Variants in HTRA1 observed in about 807,000 individuals in gnomAD.
HTRA1 encodes serine protease HTRA1.
HTRA1 carries 26 observed loss-of-function variants against 49.7 expected under a neutral mutation model. The ratio of observed to expected loss-of-function variants is 0.52; its 90% CI spans 0.38 to 0.73. The LOEUF is 0.73. Ranked by LOEUF, HTRA1 falls within the 30% of genes least tolerant of loss-of-function variation. HTRA1 has a pLI of 0.00. For missense variants in HTRA1, 561 were observed against 667.2 expected (o/e 0.84, Z 1.75); for synonymous variants, 291 against 286.9 (o/e 1.01, Z -0.14).
chr10:122,461,820 C>T lies in HTRA1; in HGVS notation c.168C>T (p.Gly56=). The T allele has an allele frequency of 9.2e-7, 1 of 1,085,292 alleles. No homozygotes were observed. The highest frequency in any genetic ancestry group is 1.1e-6 in the Non-Finnish European group (1 of 897,218). The allele number at this position is 1,085,292 out of a possible 1,614,324, so 67.2% of individuals were successfully genotyped here. ...CPPQPEHCEG[G]RARDACGCCE... is the part of the protein sequence containing the mutation. ...CGCAGCCGGAGCACTGCGAGGGCGG[C>T]CGGGCCCGGGACGCGTGCGGCTGCT... The change falls in exon 1 of 9, where the codon GGC becomes GGT. Residue 56 remains glycine (G), a synonymous_variant. Transcript: ENST00000368984.
intron 6 of HTRA1, among the ~76,000 whole-genome samples, chr10:122,509,684 A>T (rs1017301609): frequency 2.6e-5 from 4 of 151,992 alleles, no homozygotes; most frequent in Admixed American, 2.0e-4. Context: ...GGCTGCGGGG[A>T]GTCTGCTGGA....
Position 122,514,608 on chromosome 10 carries a change from C to T in HTRA1, c.*249C>T. ...TATGCAGTGTGCTTTTTCTTGCCAG[C>T]TTGGGCCATTCTTGCTTAGACAGTC... On this transcript the variant is annotated 3_prime_UTR_variant, in exon 9 of 9. Transcript: ENST00000368984. The T allele has an allele frequency of 2.0e-6, 1 of 504,922 alleles. No homozygotes were observed. Among genetic ancestry groups the T allele is most frequent in the South Asian group, 2.0e-5 (1 of 49,210 alleles). 31.3% of individuals were successfully genotyped at this position (504,922 alleles called of 1,614,324 possible).
At chr10:122,469,684 A>G (rs2097485300) in intron 1 of HTRA1, among the ~76,000 whole-genome samples, 1 of 152,134 alleles carries the variant, frequency 6.6e-6, no homozygotes, top group Non-Finnish European at 1.5e-5. Flanking sequence ...GCAGGGCATT[A>G]TCCTTGCTTC....
chr10:122,471,772 C>T (rs1012962685), intron 1 of HTRA1, among the ~76,000 whole-genome samples: 17 of 152,142 alleles, frequency 1.1e-4, no homozygotes, highest in Admixed American at 7.9e-4. Flanking sequence ...TTGAGCCCTC[C>T]GCATCTCAGC....
rs1255171755 is a variant in HTRA1, at chr10:122,494,604, G to A, written c.777+4978G>A. On this transcript the variant is annotated intron_variant, in intron 3 of 8. Transcript: ENST00000368984. This position sits in a 1 kb window ranked among gnomAD's most constrained non-coding sequence, Gnocchi z 4.0. ...AAATATTTGGAAACGGCCTTGTTGA[G>A]GCTTGTGAGGTGGTTTTCCTCCCTC... Among the ~76,000 whole-genome samples, 1 of 152,148 alleles carries A rather than the reference G, an allele frequency of 6.6e-6. No individual in the cohort carries two copies. The highest frequency in any genetic ancestry group is 1.5e-5 in the Non-Finnish European group (1 of 68,032).
In HTRA1 at chr10:122,506,983, G is replaced by C. The variant is rs2097503331; in HGVS notation, c.972+98G>C. 5 of 1,122,098 alleles carry C rather than the reference G, an allele frequency of 4.5e-6. No individual in the cohort carries two copies. Among genetic ancestry groups the C allele is most frequent in the South Asian group, 2.6e-5 (2 of 76,710 alleles). The allele number at this position is 1,122,098 out of a possible 1,614,324, so 69.5% of individuals were successfully genotyped here. The stretch of plus-strand genomic sequence containing the variant: ...TTAGCCCCTGACTTTGTTGTAGTCT[G>C]CGTGAAGGGATGGAACTAGACCAAG... On this transcript the variant is annotated intron_variant, in intron 4 of 8. Coordinates refer to ENST00000368984, the MANE Select transcript of HTRA1 (RefSeq NM_002775.5). This position sits in a 1 kb window ranked among gnomAD's most constrained non-coding sequence, Gnocchi z 5.2.
intron 1 of HTRA1, among the ~76,000 whole-genome samples, chr10:122,462,759 G>C (rs1250828563): frequency 1.3e-5 from 2 of 152,228 alleles, no homozygotes; most frequent in Non-Finnish European, 2.9e-5. Flanking sequence ...TTTTGAGCCA[G>C]CCCTACAAAA....
chr10:122,491,120 C>A (rs2097495592), intron 3 of HTRA1, among the ~76,000 whole-genome samples: 1 of 152,220 alleles, frequency 6.6e-6, no homozygotes. Flanking sequence ...ATTGGGCCAG[C>A]CTCTGCCTTC....
intron 1 of HTRA1, among the ~76,000 whole-genome samples, chr10:122,488,136 T>G (rs2097493895): frequency 6.6e-6 from 1 of 152,174 alleles, no homozygotes. Flanking sequence ...TAATCTCAGA[T>G]GTACCCGTCT....
chr10:122,474,479 C>T (rs938634557), intron 1 of HTRA1, among the ~76,000 whole-genome samples: 3 of 152,194 alleles, frequency 2.0e-5, no homozygotes, highest in Non-Finnish European at 4.4e-5. Context: ...CCTCCTCCTG[C>T]ACCAGGGGGG....
intron 3 of HTRA1, among the ~76,000 whole-genome samples, chr10:122,500,814 C>CCA (rs1161669639): frequency 4.6e-5 from 7 of 152,134 alleles, no homozygotes; most frequent in Non-Finnish European, 1.0e-4. Context: ...GGAACTCACA[C>CCA]CACACATAGT....
intron 3 of HTRA1, among the ~76,000 whole-genome samples, chr10:122,500,844 C>T (rs957103006): frequency 6.6e-6 from 1 of 152,108 alleles, no homozygotes; most frequent in Non-Finnish European, 1.5e-5. Context: ...ACCGAGGCTG[C>T]GTGCACAGAC....
At chr10:122,489,806 G>C (rs1340659619) in intron 3 of HTRA1, among the ~76,000 whole-genome samples, 180 bp downstream of exon 3, 1 of 151,994 alleles carries the variant, frequency 6.6e-6, no homozygotes, top group African/African-American at 2.4e-5. Flanking sequence ...AGAGGAAGGG[G>C]CTCAGGAAAA....
intron 3 of HTRA1, among the ~76,000 whole-genome samples, chr10:122,491,948 C>T (rs1336171610): frequency 6.6e-6 from 1 of 152,192 alleles, no homozygotes; most frequent in Non-Finnish European, 1.5e-5. Flanking sequence ...GGGAGAGTAA[C>T]AGCATCTCTT....
chr10:122,489,158 C>T (rs963163146), intron 2 of HTRA1, among the ~76,000 whole-genome samples, 157 bp downstream of exon 2: 2 of 152,150 alleles, frequency 1.3e-5, no homozygotes, highest in African/African-American at 4.8e-5. Flanking sequence ...TTTCCCTATT[C>T]GACTATATAA....
At chr10:122,471,115 G>A (rs977566426) in intron 1 of HTRA1, among the ~76,000 whole-genome samples, 3 of 152,162 alleles carry the variant, frequency 2.0e-5, no homozygotes, top group East Asian at 3.9e-4. Flanking sequence ...TTCTCAGGCC[G>A]ACTTTCTGTT....
chr10:122,470,266 C>T (rs1447120622), intron 1 of HTRA1, among the ~76,000 whole-genome samples: 1 of 152,158 alleles, frequency 6.6e-6, no homozygotes, highest in Non-Finnish European at 1.5e-5. Context: ...CCATTTGGGC[C>T]TTTGGGATGA....
intron 3 of HTRA1, among the ~76,000 whole-genome samples, chr10:122,503,697 T>C (rs1439757489): frequency 1.3e-5 from 2 of 152,208 alleles, no homozygotes; most frequent in Admixed American, 6.5e-5. Flanking sequence ...CAACTCCTAA[T>C]GGTGCCATGA....
chr10:122,482,492 C>T (rs2097491420), intron 1 of HTRA1, among the ~76,000 whole-genome samples: 2 of 152,022 alleles, frequency 1.3e-5, no homozygotes, highest in Non-Finnish European at 2.9e-5. Context: ...CTCTGGGGTC[C>T]CTTGGGGCAC....
Sources: gnomAD v4.1 joint callset for allele counts (sites outside exome capture counted in the v4.1 genomes callset) on GRCh38, gnomAD v4.1.1 for gene constraint, Gnocchi (gnomAD v3.1) non-coding constraint, MANE v1.5 for transcripts, NCBI Gene and HGNC (gene_info 2026-07-23, HGNC 2026-07-21) for gene names.